WDR19: variants seen among roughly 807,000 people sequenced by gnomAD.
WDR19 encodes the protein WD repeat domain 19.
A neutral mutation model predicts 180.0 loss-of-function variants in WDR19; 121 were observed. That is an observed-to-expected ratio of 0.67 (90% CI 0.58 to 0.78). The LOEUF (loss-of-function observed/expected upper bound fraction) is 0.78, where lower values mean the gene tolerates loss of function less well. WDR19 is among the 30% of genes least tolerant of loss of function. The probability of loss-of-function intolerance (pLI) is 0.00; values close to 1 mark genes in which losing one functional copy is unlikely to be tolerated. For missense variants in WDR19, 1,450 were observed against 1,640.7 expected (o/e 0.88, Z 2.01); for synonymous variants, 497 against 540.7 (o/e 0.92, Z 1.12).
At chr4:39,234,904 C>G (rs1475751312) in intron 20 of WDR19, 29 bp downstream of exon 20, 2 of 1,413,484 alleles carry the variant, frequency 1.4e-6, no homozygotes, top group Non-Finnish European at 2.0e-6. Flanking sequence ...ACATTTCAGT[C>G]AGTAGCTAAT....
chr4:39,182,892 G>A (rs1228573595), intron 1 of WDR19, among the ~76,000 whole-genome samples: 1 of 152,156 alleles, frequency 6.6e-6, no homozygotes, highest in African/African-American at 2.4e-5. Context: ...CACGCGGAAA[G>A]AACTGGTCGA....
intron 26 of WDR19, among the ~76,000 whole-genome samples, chr4:39,255,288 T>C (rs1733637860): frequency 1.3e-5 from 2 of 152,192 alleles, no homozygotes; most frequent in South Asian, 2.1e-4. Flanking sequence ...TTTCCCCACT[T>C]TGCTTTATGC....
intron 32 of WDR19, 57 bp from the exon 33 acceptor site, chr4:39,274,751 G>C: frequency 6.3e-7 from 1 of 1,584,034 alleles, no homozygotes; most frequent in Non-Finnish European, 8.6e-7. Context: ...AATCCCGCCT[G>C]TATCACTGAG....
chr4:39,238,459 C>T (rs1201556111), intron 20 of WDR19, among the ~76,000 whole-genome samples: 1 of 151,986 alleles, frequency 6.6e-6, no homozygotes, highest in Non-Finnish European at 1.5e-5. Flanking sequence ...TTTAGCTTGC[C>T]CAAGGAAAAT....
At chr4:39,284,690 T>TAA (rs1736988272) in intron 36 of WDR19, among the ~76,000 whole-genome samples, 1 of 149,178 alleles carries the variant, frequency 6.7e-6, no homozygotes, top group Non-Finnish European at 1.5e-5. Flanking sequence ...CCCAAGTTTA[T>TAA]AACTGTTATC....
chr4:39,262,157 A>C (rs1378315303), intron 28 of WDR19, among the ~76,000 whole-genome samples: 4 of 152,202 alleles, frequency 2.6e-5, no homozygotes, highest in Non-Finnish European at 4.4e-5. Flanking sequence ...CCAGATAGAA[A>C]GTAATTGATC....
intron 9 of WDR19, among the ~76,000 whole-genome samples, chr4:39,214,234 G>A (rs28438384): frequency 0.047 from 7,083 of 152,186 alleles, 536 homozygotes; most frequent in African/African-American, 0.16. Context: ...ATTGTAAAGA[G>A]AAACCTGTAT....
chr4:39,221,204 C>T (rs971929605), intron 14 of WDR19, among the ~76,000 whole-genome samples: 11 of 152,000 alleles, frequency 7.2e-5, no homozygotes, highest in African/African-American at 2.7e-4. Context: ...ATTTGTATGA[C>T]ACTAATAGTT....
intron 15 of WDR19, among the ~76,000 whole-genome samples, 158 bp downstream of exon 15, chr4:39,225,191 T>G (rs1279647576): frequency 6.6e-6 from 1 of 152,256 alleles, no homozygotes; most frequent in African/African-American, 2.4e-5. Flanking sequence ...GATAGATTTC[T>G]CATATCAAGA....
At chr4:39,203,390 C>T (rs1727580180) in intron 6 of WDR19, among the ~76,000 whole-genome samples, 3 of 152,192 alleles carry the variant, frequency 2.0e-5, no homozygotes, top group Admixed American at 2.0e-4. Flanking sequence ...TTTCTGCACA[C>T]ACTCTGGTTT....
chr4:39,255,057 T>G (rs1023855512), intron 26 of WDR19, among the ~76,000 whole-genome samples: 1 of 152,154 alleles, frequency 6.6e-6, no homozygotes, highest in Non-Finnish European at 1.5e-5. Context: ...TTAAGATAAT[T>G]AGAGAAAACA....
chr4:39,259,585 G>A (rs1734089742), intron 28 of WDR19, among the ~76,000 whole-genome samples: 1 of 152,140 alleles, frequency 6.6e-6, no homozygotes, highest in Non-Finnish European at 1.5e-5. Context: ...AAGAATTCAT[G>A]CCTTCTTATG....
At chr4:39,268,537 G>T (rs957600353) in intron 30 of WDR19, among the ~76,000 whole-genome samples, 4 of 152,184 alleles carry the variant, frequency 2.6e-5, no homozygotes, top group Non-Finnish European at 5.9e-5. Context: ...GACTCTTCAG[G>T]ATGGTTCTGC....
At chr4:39,275,406 T>C in intron 33 of WDR19, 1 of 231,878 alleles carries the variant, frequency 4.3e-6, no homozygotes, top group Non-Finnish European at 8.6e-6. Flanking sequence ...TCAGAAAACC[T>C]AACAGCAGCT....
chr4:39,283,089 C>G (rs984671274), intron 36 of WDR19, among the ~76,000 whole-genome samples: 13 of 152,178 alleles, frequency 8.5e-5, no homozygotes, highest in Non-Finnish European at 1.6e-4. Flanking sequence ...TAGTATTTCA[C>G]TATTGTGATG....
At chr4:39,265,713 A>C (rs1195987784) in intron 28 of WDR19, among the ~76,000 whole-genome samples, 4 of 149,092 alleles carry the variant, frequency 2.7e-5, no homozygotes, top group East Asian at 2.0e-4. Context: ...CGGAGATTGC[A>C]GTGAGCCAAG....
In WDR19 at chr4:39,274,825, A is replaced by C. The variant is rs1735738695; in HGVS notation, c.3583A>C (p.Thr1195Pro). The change falls in exon 33 of 37, where the codon ACG becomes CCG. Residue 1195 changes from threonine to proline, a missense_variant. Transcript: ENST00000399820. The part of the protein sequence containing the change: ...KFPSHIVPIL[T>P]STVIECHRAG... ...TCTTGCAGACATTGTACCCATCCTG[A>C]CGTCAACTGTGATTGAGTGTCACAG... 6.2e-7 allele frequency: 1 copy of C among 1,613,714 alleles called. No homozygotes were observed. The highest frequency in any genetic ancestry group is 8.5e-7 in the Non-Finnish European group (1 of 1,179,706).
chr4:39,272,870 C>A, intron 31 of WDR19, 110 bp from the exon 32 acceptor site: 2 of 854,956 alleles, frequency 2.3e-6, no homozygotes, highest in Middle Eastern at 4.4e-4. Context: ...CTACAAGGAT[C>A]CCACAGTGAC....
At chr4:39,196,205 C>T (rs1401977689) in intron 5 of WDR19, among the ~76,000 whole-genome samples, 1 of 152,202 alleles carries the variant, frequency 6.6e-6, no homozygotes, top group Non-Finnish European at 1.5e-5. Context: ...GCCCCAGTCT[C>T]TTCTCTGAAT....
Sources: gnomAD v4.1 joint callset for allele counts (sites outside exome capture counted in the v4.1 genomes callset) on GRCh38, gnomAD v4.1.1 for gene constraint, MANE v1.5 for transcripts, NCBI Gene and HGNC (gene_info 2026-07-23, HGNC 2026-07-21) for gene names.